DENND1B: variants seen among roughly 807,000 people sequenced by gnomAD.
DENND1B encodes DENN domain containing 1B, also known as DENN domain-containing protein 1B.
A neutral mutation model predicts 90.1 loss-of-function variants in DENND1B; 59 were observed. That is an observed-to-expected ratio of 0.65 (90% CI 0.53 to 0.81). The LOEUF is 0.81. DENND1B is among the 40% of genes least tolerant of loss of function. The pLI, the probability that DENND1B is intolerant of heterozygous loss-of-function variation, is 0.00. For missense variants in DENND1B, 862 were observed against 912.6 expected (o/e 0.94, Z 0.71); for synonymous variants, 337 against 324.6 (o/e 1.04, Z -0.41).
chr1:197,637,930 A>G lies in DENND1B; in HGVS notation c.672+4781T>C, dbSNP rs377664759. ...AATGTTCAATTCCTCATCTCCAGAA[A>G]GAGTCTCTGCACTTCGGGTTTCAGA... On this transcript the variant is annotated intron_variant, in intron 10 of 22. Transcript: ENST00000620048. Among the ~76,000 whole-genome samples the G allele has an allele frequency of 3.2e-3, 492 of 152,328 alleles. 2 individuals carry two copies. Among genetic ancestry groups the G allele is most frequent in the South Asian group, 7.9e-3 (38 of 4,832 alleles).
chr1:197,736,072 G>A (rs1000419512), intron 2 of DENND1B: 1 of 828,654 alleles, frequency 1.2e-6, no homozygotes, highest in Non-Finnish European at 2.0e-6. Flanking sequence ...TGTGAAGCCC[G>A]TGAAAGTTTC....
intron 14 of DENND1B, among the ~76,000 whole-genome samples, chr1:197,588,031 G>A (rs541662238): frequency 3.3e-5 from 5 of 152,222 alleles, no homozygotes; most frequent in East Asian, 1.9e-4. Context: ...CATGGGGAGC[G>A]GCTGTAAATA....
chr1:197,676,559 C>T (rs1314832743), intron 3 of DENND1B, among the ~76,000 whole-genome samples: 1 of 151,830 alleles, frequency 6.6e-6, no homozygotes, highest in East Asian at 1.9e-4. Context: ...TTAAAGAAAA[C>T]AAGAAAAATT....
At position 197,553,015 on chromosome 1, in the gene DENND1B, T is replaced by C. The variant is rs1304563939; in HGVS notation, c.1240+7A>G. 1 of 1,576,388 alleles carries C rather than the reference T, an allele frequency of 6.3e-7. No individual in the cohort carries two copies. The highest frequency in any genetic ancestry group is 2.3e-5 in the East Asian group (1 of 43,020). ...AAATGGATAATCATATTGTAACTTGTCTTTACCTCCACAAAAGCCACCTGA... is the reference window on the plus strand; with the variant it reads ...AAATGGATAATCATATTGTAACTTGCCTTTACCTCCACAAAAGCCACCTGA... On this transcript the variant is annotated splice_region_variant and intron_variant, in intron 16 of 22. Coordinates refer to ENST00000620048, the MANE Select transcript of DENND1B (RefSeq NM_001195215.2).
chr1:197,584,885 T>C (rs944852273), intron 14 of DENND1B, among the ~76,000 whole-genome samples: 1 of 151,930 alleles, frequency 6.6e-6, no homozygotes, highest in African/African-American at 2.4e-5. Flanking sequence ...GTTGCCCAGG[T>C]TGGTCTCAAA....
intron 5 of DENND1B, among the ~76,000 whole-genome samples, 188 bp from the exon 6 acceptor site, chr1:197,658,557 C>T (rs533287493): frequency 6.6e-6 from 1 of 151,896 alleles, no homozygotes; most frequent in East Asian, 1.9e-4. Context: ...TAAAACAAAT[C>T]AGAATCTAGA....
chr1:197,607,319 C>A (rs1186481686), intron 12 of DENND1B, 145 bp from the exon 13 acceptor site: 4 of 473,088 alleles, frequency 8.5e-6, no homozygotes, highest in Non-Finnish European at 1.4e-5. Context: ...AGGATAGAAA[C>A]AACTTTGCCT....
chr1:197,667,132 C>CAA (rs78796571), intron 5 of DENND1B, among the ~76,000 whole-genome samples: 11 of 93,916 alleles, frequency 1.2e-4, no homozygotes, highest in African/African-American at 3.4e-4. Context: ...GACTCCATCT[C>CAA]AAAAAAAAAA....
At chr1:197,592,501 A>G (rs1442146035) in intron 14 of DENND1B, among the ~76,000 whole-genome samples, 1 of 152,194 alleles carries the variant, frequency 6.6e-6, no homozygotes, top group Non-Finnish European at 1.5e-5. Context: ...AAGTATAATT[A>G]ATTCATAGAA....
rs1657162022 is a variant in DENND1B, at chr1:197,775,205, G to A, written c.-50C>T. 1.6e-6 allele frequency: 2 copies of A among 1,246,894 alleles called. No homozygotes were observed. Among genetic ancestry groups the A allele is most frequent in the Middle Eastern group, 3.0e-4 (1 of 3,366 alleles). The allele number at this position is 1,246,894 out of a possible 1,614,324, so 77.2% of individuals were successfully genotyped here. ...CCGTCCGGCCCCCGCGCGCTGGCCT[G>A]GAAGCCCGCAGCCCGGCCGCGCGAG... On this transcript the variant is annotated 5_prime_UTR_variant, in exon 1 of 23. Transcript: ENST00000620048.
intron 11 of DENND1B, among the ~76,000 whole-genome samples, chr1:197,613,843 C>T (rs1350880097): frequency 6.6e-6 from 1 of 150,884 alleles, no homozygotes; most frequent in East Asian, 1.9e-4. Flanking sequence ...ATTTATAATA[C>T]AGAAAAGCCC....
At chr1:197,662,509 G>C (rs1654510085) in intron 5 of DENND1B, among the ~76,000 whole-genome samples, 1 of 151,982 alleles carries the variant, frequency 6.6e-6, no homozygotes, top group Non-Finnish European at 1.5e-5. Context: ...ATGCTCAGGG[G>C]TCTACCACAG....
upstream of DENND1B, among the ~76,000 whole-genome samples, chr1:197,778,193 C>G (rs1022078620): frequency 3.9e-5 from 6 of 152,150 alleles, no homozygotes; most frequent in Admixed American, 3.9e-4. Flanking sequence ...GCCTTAGATT[C>G]TAAACAGTTT....
Position 197,607,149 on chromosome 1 carries a change from T to C in DENND1B, c.845A>G (p.Asp282Gly), listed in dbSNP as rs773340401. Reference protein sequence around the residue: ...IERVKNKSLEDVVMLNVDTNT... With the variant: ...IERVKNKSLEGVVMLNVDTNT... ...TGTATCAACATTTAACATAACAACA[T>C]CTTCCAATGATTTGTTTTTCACTCT... is the stretch of plus-strand genomic sequence containing the variant. The change falls in exon 13 of 23, where the codon GAT becomes GGT. Residue 282 changes from aspartate (D) to glycine (G), a missense_variant. Transcript: ENST00000620048. The C allele has an allele frequency of 1.3e-6, 2 of 1,587,524 alleles. No homozygotes were observed. The highest frequency in any genetic ancestry group is 2.3e-5 in the East Asian group (1 of 43,954).
chr1:197,573,690 C>T (rs1052795781), intron 15 of DENND1B, among the ~76,000 whole-genome samples: 5 of 152,106 alleles, frequency 3.3e-5, no homozygotes, highest in East Asian at 1.9e-4. Flanking sequence ...AACATTGATG[C>T]GAAAATCCTC....
In DENND1B at chr1:197,758,037, T is replaced by A. The variant is rs1198202646; in HGVS notation, c.82+14831A>T. 2.0e-5 allele frequency among the ~76,000 whole-genome samples: 3 copies of A among 152,340 alleles called. No individual in the cohort carries two copies. In the East Asian group the frequency reaches 5.8e-4, roughly 29 times the overall value. On this transcript the variant is annotated intron_variant, in intron 2 of 22. Transcript: ENST00000620048. Reference sequence around the variant, plus strand: ...TTACACATATATGGAATTCTAACTTTGTTGCTGAAGTTGTACATGTGAAAA... The same window carrying A: ...TTACACATATATGGAATTCTAACTTAGTTGCTGAAGTTGTACATGTGAAAA...
chr1:197,769,779 A>C (rs1366719467), intron 2 of DENND1B, among the ~76,000 whole-genome samples: 1 of 152,152 alleles, frequency 6.6e-6, no homozygotes, highest in African/African-American at 2.4e-5. Flanking sequence ...ATCGTACCTT[A>C]AACAAGCTGA....
intron 3 of DENND1B, among the ~76,000 whole-genome samples, chr1:197,706,587 C>A (rs1408232508): frequency 6.6e-6 from 1 of 151,994 alleles, no homozygotes; most frequent in Non-Finnish European, 1.5e-5. Flanking sequence ...AGCAAAAACA[C>A]AAACAATACA....
chr1:197,516,619 G>GA (rs1668415404), intron 20 of DENND1B, among the ~76,000 whole-genome samples: 1 of 151,604 alleles, frequency 6.6e-6, no homozygotes, highest in Admixed American at 6.6e-5. Flanking sequence ...ACAACACAGG[G>GA]AAAAAAGGCC....
Sources: allele counts gnomAD v4.1 joint callset (sites outside exome capture counted in the v4.1 genomes callset), GRCh38; gene constraint gnomAD v4.1.1; transcripts MANE v1.5; gene names NCBI Gene and HGNC (gene_info 2026-07-23, HGNC 2026-07-21).